The following PLXNB2 variants were observed in gnomAD, a reference collection of about 807,000 sequenced individuals.
The protein encoded by PLXNB2 is plexin-B2.
In PLXNB2, 85 loss-of-function variants were observed where a neutral mutation model predicts 202.6. The observed-to-expected ratio is 0.42, with a 90% CI of 0.35 to 0.50. The LOEUF (loss-of-function observed/expected upper bound fraction) is 0.50, where lower values mean the gene tolerates loss of function less well. PLXNB2 is among the 20% of genes least tolerant of loss of function. PLXNB2 has a pLI of 0.02. For missense variants in PLXNB2, 2,063 were observed against 2,586.2 expected (o/e 0.80, Z 4.39); for synonymous variants, 1,239 against 1,137.6 (o/e 1.09, Z -1.79).
In PLXNB2 at chr22:50,283,034, T is replaced by G; in HGVS notation, c.2816+16A>C. 1 of 1,599,224 alleles carries G rather than the reference T, an allele frequency of 6.3e-7. No homozygotes were observed. Among genetic ancestry groups the G allele is most frequent in the Non-Finnish European group, 8.5e-7 (1 of 1,172,082 alleles). On this transcript the variant is annotated intron_variant, in intron 17 of 36. Transcript: ENST00000359337. ...GCCAGGGCCAACCAGACTCAGCAGC[T>G]GGCGGTGACACCCACACTTTACACG...
intron 16 of PLXNB2, 73 bp downstream of exon 16, chr22:50,283,264 T>TG (rs2066152407): frequency 6.2e-7 from 1 of 1,606,874 alleles, no homozygotes; most frequent in Admixed American, 1.7e-5. Flanking sequence ...GTAACTGTCG[T>TG]GGGGAGGCGG....
intron 18 of PLXNB2, 111 bp from the exon 19 acceptor site, chr22:50,282,424 T>C (rs535157832): frequency 2.2e-4 from 268 of 1,198,962 alleles, no homozygotes; most frequent in Admixed American, 3.0e-4. Context: ...TCCAGGTGCA[T>C]GTGTGGGTCT....
At position 50,286,044 on chromosome 22, in the gene PLXNB2, G is replaced by T; in HGVS notation, c.1932C>A (p.His644Gln). The change falls in exon 10 of 37, where the codon CAC becomes CAA. Residue 644 changes from histidine (H) to glutamine (Q), a missense_variant. Around this residue, in one of 2 missense-constraint regions of PLXNB2, gnomAD observed 1,303 missense variants for 1,476.8 expected, o/e 0.88. Transcript: ENST00000359337. Reference protein sequence around the residue: ...RWTCQWDLRYHECREASPNPE... With the variant: ...RWTCQWDLRYQECREASPNPE... ...GGTTGGGCGAAGCCTCCCGGCACTC[G>T]TGGTAGCGCAGGTCCCACTGGCAGG... 1 of 1,612,422 alleles carries T rather than the reference G, an allele frequency of 6.2e-7. No individual in the cohort carries two copies. The highest frequency in any genetic ancestry group is 8.5e-7 in the Non-Finnish European group (1 of 1,179,984).
rs572171262 is a variant in PLXNB2 at position 50,284,018 on chromosome 22, A to G, written c.2264-28T>C. 2.0e-6 allele frequency: 3 copies of G among 1,527,420 alleles called. No homozygotes were observed. The highest frequency in any genetic ancestry group is 2.0e-5 in the Admixed American group (1 of 50,562). The allele number at this position is 1,527,420 out of a possible 1,614,324, so 94.6% of individuals were successfully genotyped here. A position where few individuals can be genotyped will look rare whatever the true frequency, so the allele number is the denominator to read the frequency against. On this transcript the variant is annotated intron_variant, in intron 13 of 36. Transcript: ENST00000359337. The surrounding 1 kb of genome is among the most constrained non-coding windows in gnomAD (Gnocchi z 8.0). The stretch of plus-strand genomic sequence containing the variant: ...GCGGGGAGAGCTGCCGTCAGTGGTC[A>G]CCCCGTGCCTGCCCGCCCCCGACCT...
chr22:50,283,557 G>A (rs1427787627), intron 15 of PLXNB2, 45 bp downstream of exon 15: 3 of 1,605,280 alleles, frequency 1.9e-6, no homozygotes, highest in Admixed American at 1.7e-5. Flanking sequence ...CCCAGCGTGG[G>A]TACTGACCCA....
Position 50,284,375 on chromosome 22 carries a change from C to T in PLXNB2, c.2182-162G>A. On this transcript the variant is annotated intron_variant, in intron 12 of 36. Transcript: ENST00000359337. The surrounding 1 kb of genome is among the most constrained non-coding windows in gnomAD (Gnocchi z 8.0). Reference sequence around the variant, plus strand: ...AAGTTCGGGAACCCCATGGACGCTGCTCTGTGCCACTCTGTCCCCAGGGAG... The same window carrying T: ...AAGTTCGGGAACCCCATGGACGCTGTTCTGTGCCACTCTGTCCCCAGGGAG... 1.4e-6 allele frequency: 1 copy of T among 730,416 alleles called. No homozygotes were observed. The highest frequency in any genetic ancestry group is 1.7e-5 in the South Asian group (1 of 60,078). 45.2% of individuals were successfully genotyped at this position (730,416 alleles called of 1,614,324 possible).
At position 50,304,754 on chromosome 22, in the gene PLXNB2, T is replaced by C. The variant is rs1448205461; in HGVS notation, c.-74+2799A>G. Among the ~76,000 whole-genome samples, 5 of 128,162 alleles carry C rather than the reference T, an allele frequency of 3.9e-5. No individual in the cohort carries two copies. In the East Asian group the frequency reaches 1.3e-3, roughly 35 times the overall value. 84.1% of individuals were successfully genotyped at this position (128,162 alleles called of 152,430 possible). A position where few individuals can be genotyped will look rare whatever the true frequency, so the allele number is the denominator to read the frequency against. ...CCCCACCCCAAACACAAACAGCCAC[T>C]ACCCCTGAGGGAGGGAGGGGCTGTG... On this transcript the variant is annotated intron_variant, in intron 1 of 36. Coordinates refer to ENST00000359337, the MANE Select transcript of PLXNB2 (RefSeq NM_012401.4).
chr22:50,288,960 C>T lies in PLXNB2; in HGVS notation c.1251G>A (p.Lys417=). The change falls in exon 4 of 37, where the codon AAG becomes AAA. Residue 417 remains lysine, a splice_region_variant and synonymous_variant. Transcript: ENST00000359337. The surrounding 1 kb of genome is among the most constrained non-coding windows in gnomAD (Gnocchi z 5.0). ...FLGTSDGRIL[K]VYLTPDGTSS... ...CTCCCCGCCCCAGCCTGGGCCAAACCTTGAGGATCCGGCCATCAGAGGTGC... is the reference window on the plus strand; with the variant it reads ...CTCCCCGCCCCAGCCTGGGCCAAACTTTGAGGATCCGGCCATCAGAGGTGC... 6.2e-7 allele frequency: 1 copy of T among 1,607,442 alleles called. No individual in the cohort carries two copies. The highest frequency in any genetic ancestry group is 8.5e-7 in the Non-Finnish European group (1 of 1,175,530).
chr22:50,281,042 C>T (rs750021048), intron 23 of PLXNB2, 47 bp downstream of exon 23: 4 of 1,601,906 alleles, frequency 2.5e-6, no homozygotes, highest in Non-Finnish European at 3.4e-6. Context: ...CACACAGCAT[C>T]CCCGCCCCAG....
chr22:50,278,135 C>T lies in PLXNB2; in HGVS notation c.4869G>A (p.Thr1623=), dbSNP rs570065916. 3.7e-6 allele frequency: 6 copies of T among 1,602,828 alleles called. No individual in the cohort carries two copies. Among genetic ancestry groups the T allele is most frequent in the East Asian group, 2.2e-5 (1 of 44,878 alleles). ...RTKAITEIYL[T]RLLSVKGTLQ... ...GGCCCACCTTGACTGAGAGCAGCCG[C>T]GTCAGGTAGATCTCGGTGATGGCCT... The change falls in exon 31 of 37, where the codon ACG becomes ACA. Residue 1623 remains threonine, a synonymous_variant. Transcript: ENST00000359337.
chr22:50,277,561 C>T (rs752898988), intron 33 of PLXNB2, 30 bp downstream of exon 33: 2 of 1,534,092 alleles, frequency 1.3e-6, no homozygotes, highest in Admixed American at 4.0e-5. Flanking sequence ...CCAGGCCTCC[C>T]TGCCCCAGAC....
rs1462763600 is a variant in PLXNB2, at chr22:50,285,250, A to AC, written c.2088+549dup. ...CTGAGCCTGCCTGTCACCGGCCGGC[A>AC]CCCCTCCCTCCGCACCTGAGCCTGC... On this transcript the variant is annotated intron_variant, in intron 11 of 36. Coordinates refer to ENST00000359337, the MANE Select transcript of PLXNB2 (RefSeq NM_012401.4). Among the ~76,000 whole-genome samples the AC allele has an allele frequency of 8.6e-4, 71 of 82,542 alleles. 2 individuals are homozygous for AC. The highest frequency in any genetic ancestry group is 2.8e-3 in the African/African-American group (55 of 19,926). 54.2% of individuals were successfully genotyped at this position (82,542 alleles called of 152,430 possible).
rs1455280220 is a variant in PLXNB2 at position 50,284,835 on chromosome 22, G to A, written c.2089-170C>T. ...CAGCTGACCCCTCGGCCACTCCTGA[G>A]CCCAAACACCTGTGTCTGCAGAAGC... On this transcript the variant is annotated intron_variant, in intron 11 of 36. Coordinates refer to ENST00000359337, the MANE Select transcript of PLXNB2 (RefSeq NM_012401.4). The surrounding 1 kb of genome is among the most constrained non-coding windows in gnomAD (Gnocchi z 8.0). 2 of 747,150 alleles carry A rather than the reference G, an allele frequency of 2.7e-6. No individual in the cohort carries two copies. The highest frequency in any genetic ancestry group is 5.0e-6 in the Non-Finnish European group (2 of 400,472). 46.3% of individuals were successfully genotyped at this position (747,150 alleles called of 1,614,324 possible). A position where few individuals can be genotyped will look rare whatever the true frequency, so the allele number is the denominator to read the frequency against.
intron 1 of PLXNB2, among the ~76,000 whole-genome samples, chr22:50,296,193 TACACACACACACACAC>T (rs58616888): frequency 3.6e-5 from 5 of 139,332 alleles, no homozygotes; most frequent in Admixed American, 2.2e-4. Flanking sequence ...TCTCAAAAAA[TACACACACACACACAC>T]ACACACACAC....
Position 50,279,931 on chromosome 22 carries a change from T to C in PLXNB2, c.4242+74A>G, listed in dbSNP as rs1035667927. ...GGCCCACCTCAAGGTGCCGTACAGA[T>C]AGGGGAACGCAGGAGGGGATGGCAG... On this transcript the variant is annotated intron_variant, in intron 26 of 36. Coordinates refer to ENST00000359337, the MANE Select transcript of PLXNB2 (RefSeq NM_012401.4). 17 of 1,408,806 alleles carry C rather than the reference T, an allele frequency of 1.2e-5. No individual in the cohort carries two copies. In the East Asian group the frequency reaches 3.2e-4, roughly 27 times the overall value. 87.3% of individuals were successfully genotyped at this position (1,408,806 alleles called of 1,614,324 possible).
In PLXNB2 at chr22:50,289,158, T is replaced by C. The variant is rs1312065976; in HGVS notation, c.1069-16A>G. ...TGCTGGAGCCCTGCGGACCACAGCG[T>C]GTCAATGGCAGGCAGACCCCCTGTC... On this transcript the variant is annotated splice_polypyrimidine_tract_variant and intron_variant, in intron 3 of 36. Transcript: ENST00000359337. The surrounding 1 kb of genome is among the most constrained non-coding windows in gnomAD (Gnocchi z 8.0). 4.5e-6 allele frequency: 7 copies of C among 1,545,138 alleles called. No homozygotes were observed. The highest frequency in any genetic ancestry group is 6.1e-6 in the Non-Finnish European group (7 of 1,146,650).
intron 1 of PLXNB2, among the ~76,000 whole-genome samples, chr22:50,305,899 G>A (rs960122052): frequency 2.0e-4 from 30 of 152,218 alleles, no homozygotes; most frequent in Non-Finnish European, 3.7e-4. Flanking sequence ...GCTCAGCAGG[G>A]CCTGCTGGGG....
rs1569171699 is a variant in PLXNB2 at position 50,288,349 on chromosome 22, C to T, written c.1381-312G>A. On this transcript the variant is annotated intron_variant, in intron 5 of 36. Transcript: ENST00000359337. This position sits in a 1 kb window ranked among gnomAD's most constrained non-coding sequence, Gnocchi z 5.0. The stretch of plus-strand genomic sequence containing the variant: ...GAGGGTCTCTGGCACTAACCCCCCA[C>T]AAGCTTGGGGCCCAGGCCCATGTTC... Among the ~76,000 whole-genome samples the T allele has an allele frequency of 6.6e-6, 1 of 152,132 alleles. No individual in the cohort carries two copies. The highest frequency in any genetic ancestry group is 2.1e-4 in the South Asian group (1 of 4,822).
At position 50,296,193 on chromosome 22, in the gene PLXNB2, TACACAC is replaced by T. The variant is rs58616888; in HGVS notation, c.-73-1421_-73-1416del. On this transcript the variant is annotated intron_variant, in intron 1 of 36. Transcript: ENST00000359337. Reference sequence around the variant, plus strand: ...GCCAGAGTGAGACTGTCTCAAAAAATACACACACACACACACACACACACACACACA... The same window carrying T: ...GCCAGAGTGAGACTGTCTCAAAAAATACACACACACACACACACACACACA... 1.7e-3 allele frequency among the ~76,000 whole-genome samples: 238 copies of T among 139,416 alleles called. 1 individual carries two copies. Among genetic ancestry groups the T allele is most frequent in the African/African-American group, 5.5e-3 (205 of 36,994 alleles). The allele number at this position is 139,416 out of a possible 152,430, so 91.5% of individuals were successfully genotyped here.
Sources: gnomAD v4.1 joint callset for allele counts (sites outside exome capture counted in the v4.1 genomes callset) on GRCh38, gnomAD v4.1.1 for gene constraint, gnomAD v4.1.1 regional missense constraint, Gnocchi (gnomAD v3.1) non-coding constraint, MANE v1.5 for transcripts, NCBI Gene and HGNC (gene_info 2026-07-23, HGNC 2026-07-21) for gene names.